The following PCDH9 variants were observed in gnomAD, a reference collection of about 807,000 sequenced individuals.
The protein encoded by PCDH9 is protocadherin 9, also known as protocadherin-9.
PCDH9 carries 24 observed loss-of-function variants against 70.6 expected under a neutral mutation model. The ratio of observed to expected loss-of-function variants is 0.34; its 90% CI spans 0.25 to 0.48. The LOEUF is 0.48. PCDH9 is among the 20% of genes least tolerant of loss of function. PCDH9 has a pLI of 0.99. For synonymous variants in PCDH9, 562 were observed against 558.5 expected, an observed-to-expected ratio of 1.01 and a Z score of -0.09; for missense variants, 1,281 against 1,503.6, an observed-to-expected ratio of 0.85 and a Z score of 2.45.
At chr13:66,431,209 T>A (rs1957765554) in intron 4 of PCDH9, among the ~76,000 whole-genome samples, 1 of 152,118 alleles carries the variant, frequency 6.6e-6, no homozygotes, top group African/African-American at 2.4e-5. Flanking sequence ...TTGAGTTTAT[T>A]TTTGATTCAA....
chr13:66,633,117 A>G (rs1185303877), intron 3 of PCDH9, among the ~76,000 whole-genome samples: 2 of 152,152 alleles, frequency 1.3e-5, no homozygotes, highest in African/African-American at 4.8e-5. Flanking sequence ...AGTAGAGATG[A>G]TATCACTTTA....
At chr13:67,064,762 T>C (rs942798190) in intron 2 of PCDH9, among the ~76,000 whole-genome samples, 4 of 152,150 alleles carry the variant, frequency 2.6e-5, no homozygotes, top group Non-Finnish European at 4.4e-5. Flanking sequence ...GCACACATTT[T>C]TAATGTATTT....
chr13:66,509,093 C>T (rs774878406), intron 4 of PCDH9, among the ~76,000 whole-genome samples: 7 of 152,288 alleles, frequency 4.6e-5, no homozygotes, highest in East Asian at 1.9e-4. Context: ...GTGATTCTCA[C>T]GGGCATACAC....
At chr13:67,014,405 T>C (rs919951288) in intron 2 of PCDH9, among the ~76,000 whole-genome samples, 11 of 152,094 alleles carry the variant, frequency 7.2e-5, no homozygotes, top group African/African-American at 2.7e-4. Flanking sequence ...GAACTTTTAT[T>C]CACTTGTAAG....
intron 4 of PCDH9, among the ~76,000 whole-genome samples, chr13:66,517,838 A>G (rs1304382651): frequency 6.6e-6 from 1 of 152,138 alleles, no homozygotes; most frequent in Non-Finnish European, 1.5e-5. Context: ...CAATAAACTT[A>G]CTTTTGAAAT....
intron 4 of PCDH9, among the ~76,000 whole-genome samples, chr13:66,364,485 C>T (rs1161805801): frequency 1.3e-5 from 2 of 152,140 alleles, no homozygotes; most frequent in Admixed American, 6.6e-5. Flanking sequence ...ACTTGAGCAA[C>T]TCTCTGAATC....
At chr13:66,987,968 A>G (rs2083928330) in intron 2 of PCDH9, among the ~76,000 whole-genome samples, 1 of 152,002 alleles carries the variant, frequency 6.6e-6, no homozygotes, top group East Asian at 1.9e-4. Context: ...CTAGAATTAT[A>G]GCTTATTGGG....
chr13:66,522,829 C>A lies in PCDH9; in HGVS notation c.3340+108381G>T, dbSNP rs370464589. Among the ~76,000 whole-genome samples, 6 of 152,014 alleles carry A rather than the reference C, an allele frequency of 3.9e-5. No individual in the cohort carries two copies. In the East Asian group the frequency reaches 1.2e-3, roughly 29 times the overall value. On this transcript the variant is annotated intron_variant, in intron 4 of 4. Coordinates refer to ENST00000377865, the MANE Select transcript of PCDH9 (RefSeq NM_203487.3). ...TCCCTCAATTTCAGATTTCTTGCCCCAGAAGTAGGAGAGAAAAAATGTATG... is the reference window on the plus strand; with the variant it reads ...TCCCTCAATTTCAGATTTCTTGCCCAAGAAGTAGGAGAGAAAAAATGTATG...
At position 66,641,529 on chromosome 13, in the gene PCDH9, G is replaced by A. The variant is rs137949627; in HGVS notation, c.3139-10118C>T. On this transcript the variant is annotated intron_variant, in intron 3 of 4. Coordinates refer to ENST00000377865, the MANE Select transcript of PCDH9 (RefSeq NM_203487.3). Reference sequence around the variant, plus strand: ...ACAATGAGACTATTGACAAATTACCGCATTCTCTCCTCCAGGCTCTACTAA... The same window carrying A: ...ACAATGAGACTATTGACAAATTACCACATTCTCTCCTCCAGGCTCTACTAA... Among the ~76,000 whole-genome samples, 19 of 152,204 alleles carry A rather than the reference G, an allele frequency of 1.2e-4. No individual in the cohort carries two copies. In the East Asian group the frequency reaches 3.5e-3, roughly 28 times the overall value.
At chr13:66,463,039 C>T (rs1298805445) in intron 4 of PCDH9, among the ~76,000 whole-genome samples, 22 of 151,858 alleles carry the variant, frequency 1.4e-4, no homozygotes, top group Admixed American at 1.4e-3. Flanking sequence ...CCTAACCCAA[C>T]AAATATAATT....
At chr13:67,165,190 T>C (rs2088076937) in intron 2 of PCDH9, among the ~76,000 whole-genome samples, 1 of 152,198 alleles carries the variant, frequency 6.6e-6, no homozygotes, top group South Asian at 2.1e-4. Flanking sequence ...TACTTTTTTA[T>C]TAGTGAATTG....
intron 2 of PCDH9, among the ~76,000 whole-genome samples, chr13:67,056,109 G>C (rs151115676): frequency 9.3e-4 from 142 of 152,296 alleles, no homozygotes; most frequent in African/African-American, 3.1e-3. Context: ...AGGTGAAGTT[G>C]CATATATTAA....
At chr13:67,170,417 C>G (rs2088247900) in intron 2 of PCDH9, among the ~76,000 whole-genome samples, 1 of 152,108 alleles carries the variant, frequency 6.6e-6, no homozygotes, top group African/African-American at 2.4e-5. Context: ...TGAGTAAACT[C>G]TATGGTAAAA....
chr13:66,656,086 C>T (rs1299341097), intron 3 of PCDH9, among the ~76,000 whole-genome samples: 1 of 150,320 alleles, frequency 6.7e-6, no homozygotes, highest in Non-Finnish European at 1.5e-5. Flanking sequence ...GCCAGAAAAG[C>T]AGGCATGTTG....
At position 66,995,607 on chromosome 13, in the gene PCDH9, T is replaced by C. The variant is rs140657153; in HGVS notation, c.3037-92002A>G. 3.6e-3 allele frequency among the ~76,000 whole-genome samples: 555 copies of C among 152,254 alleles called. 5 individuals are homozygous for C. The highest frequency in any genetic ancestry group is 0.013 in the African/African-American group (536 of 41,544). On this transcript the variant is annotated intron_variant, in intron 2 of 4. Coordinates refer to ENST00000377865, the MANE Select transcript of PCDH9 (RefSeq NM_203487.3). ...GTTTGTGTCAGTTCTACCCTTTAATTTCACAAAGTTAAGATGGTTTTCTGT... is the reference window on the plus strand; with the variant it reads ...GTTTGTGTCAGTTCTACCCTTTAATCTCACAAAGTTAAGATGGTTTTCTGT...
intron 3 of PCDH9, among the ~76,000 whole-genome samples, chr13:66,795,543 C>G (rs2080228072): frequency 6.6e-6 from 1 of 152,026 alleles, no homozygotes. Flanking sequence ...TTTACTTTCT[C>G]TCTTTATTGT....
intron 2 of PCDH9, among the ~76,000 whole-genome samples, chr13:67,170,450 G>A (rs1387076817): frequency 1.3e-5 from 2 of 152,096 alleles, no homozygotes; most frequent in Non-Finnish European, 2.9e-5. Flanking sequence ...TATCAGATAA[G>A]GAGAATGGCT....
chr13:67,037,928 G>A (rs1284085349), intron 2 of PCDH9, among the ~76,000 whole-genome samples: 1 of 152,108 alleles, frequency 6.6e-6, no homozygotes, highest in East Asian at 1.9e-4. Flanking sequence ...CTGGATTAAT[G>A]ACCAGTGAAG....
chr13:67,076,715 T>C (rs776359931), intron 2 of PCDH9, among the ~76,000 whole-genome samples: 1 of 152,130 alleles, frequency 6.6e-6, no homozygotes, highest in Non-Finnish European at 1.5e-5. Flanking sequence ...GAAGTAATAA[T>C]AAAATTTTGT....
Sources: gnomAD v4.1 joint callset for allele counts (sites outside exome capture counted in the v4.1 genomes callset) on GRCh38, gnomAD v4.1.1 for gene constraint, MANE v1.5 for transcripts, NCBI Gene and HGNC (gene_info 2026-07-23, HGNC 2026-07-21) for gene names.